Variants in ATXN7L1 observed in about 807,000 individuals in gnomAD.
ATXN7L1 encodes ataxin 7 like 1.
Under a neutral mutation model 70.8 loss-of-function variants are expected in ATXN7L1, and 15 were observed. That is an observed-to-expected ratio of 0.21 (90% confidence interval 0.14 to 0.33). ATXN7L1 has a LOEUF of 0.33. Ranked by LOEUF, ATXN7L1 falls within the 10% of genes least tolerant of loss-of-function variation. The pLI is 1.00. For synonymous variants in ATXN7L1, 440 were observed against 445.1 expected (o/e 0.99, Z 0.14); for missense variants, 975 against 1,097.1 (o/e 0.89, Z 1.57).
At chr7:105,645,000 A>G (rs1490881505) in intron 4 of ATXN7L1, among the ~76,000 whole-genome samples, 5 of 152,216 alleles carry the variant, frequency 3.3e-5, no homozygotes, top group African/African-American at 1.2e-4. Flanking sequence ...GTCACAAAAG[A>G]CAAATACTGT....
intron 7 of ATXN7L1, among the ~76,000 whole-genome samples, chr7:105,633,509 G>A (rs954045197): frequency 6.6e-6 from 1 of 152,068 alleles, no homozygotes; most frequent in South Asian, 2.1e-4. Flanking sequence ...CCTGAGGTCA[G>A]GAGTTTGAGA....
chr7:105,732,143 C>G (rs1300334024), intron 3 of ATXN7L1, among the ~76,000 whole-genome samples: 18 of 152,108 alleles, frequency 1.2e-4, no homozygotes, highest in Admixed American at 1.2e-3. Flanking sequence ...GGTGTGTTGG[C>G]TCACTCCTGT....
intron 3 of ATXN7L1, among the ~76,000 whole-genome samples, chr7:105,706,289 GT>G (rs1793154809): frequency 1.3e-5 from 2 of 151,698 alleles, no homozygotes; most frequent in East Asian, 3.9e-4. Context: ...TGCCTCCCGG[GT>G]TCAAGTGATT....
intron 11 of ATXN7L1, 114 bp downstream of exon 11, chr7:105,610,413 CAT>C (rs1281690934): frequency 9.7e-6 from 9 of 929,950 alleles, no homozygotes; most frequent in Non-Finnish European, 8.1e-6. Context: ...GCCAGGTAGC[CAT>C]GCTCTTAACT....
At chr7:105,855,681 C>T (rs781534028) in intron 2 of ATXN7L1, among the ~76,000 whole-genome samples, 3 of 152,134 alleles carry the variant, frequency 2.0e-5, no homozygotes, top group African/African-American at 4.8e-5. Flanking sequence ...CTGTGAGTTC[C>T]ACATCTGCAG....
chr7:105,863,953 A>G (rs1002075171), intron 2 of ATXN7L1, among the ~76,000 whole-genome samples: 3 of 152,208 alleles, frequency 2.0e-5, no homozygotes, highest in Admixed American at 1.3e-4. Flanking sequence ...AAAAAACTCC[A>G]AAAGGAAATA....
intron 2 of ATXN7L1, among the ~76,000 whole-genome samples, chr7:105,827,698 C>T (rs1448206650): frequency 6.6e-6 from 1 of 152,148 alleles, no homozygotes; most frequent in African/African-American, 2.4e-5. Context: ...CTAAGGATGA[C>T]TGTATCTTGT....
intron 7 of ATXN7L1, among the ~76,000 whole-genome samples, chr7:105,636,250 C>T (rs906807714): frequency 1.2e-4 from 18 of 152,114 alleles, no homozygotes; most frequent in African/African-American, 4.1e-4. Flanking sequence ...CAAAAATTAG[C>T]CAGGCATGGC....
intron 3 of ATXN7L1, among the ~76,000 whole-genome samples, chr7:105,712,452 G>C (rs1038141491): frequency 6.6e-6 from 1 of 152,108 alleles, no homozygotes; most frequent in Admixed American, 6.6e-5. Flanking sequence ...TTAAATACAA[G>C]TTCCAGTTTC....
At chr7:105,761,273 C>A in intron 3 of ATXN7L1, 2 of 1,572,200 alleles carry the variant, frequency 1.3e-6, no homozygotes, top group South Asian at 2.4e-5. Context: ...CTTGTCCACA[C>A]TTCAGGGCTC....
chr7:105,813,755 G>A (rs1808787840), intron 2 of ATXN7L1, among the ~76,000 whole-genome samples: 1 of 151,952 alleles, frequency 6.6e-6, no homozygotes, highest in Non-Finnish European at 1.5e-5. Flanking sequence ...CTGTTTTCTG[G>A]GAACTCTCCT....
intron 2 of ATXN7L1, among the ~76,000 whole-genome samples, chr7:105,871,889 G>A (rs1388834675): frequency 6.6e-6 from 1 of 152,180 alleles, no homozygotes; most frequent in Non-Finnish European, 1.5e-5. Flanking sequence ...GTTTAAAGGG[G>A]TGAGGAATGG....
chr7:105,672,938 C>T (rs868534470), intron 3 of ATXN7L1, among the ~76,000 whole-genome samples: 3 of 152,220 alleles, frequency 2.0e-5, no homozygotes, highest in Non-Finnish European at 4.4e-5. Flanking sequence ...TGCATTTCCA[C>T]CACAGGAAGT....
rs951535546 is a variant in ATXN7L1, at chr7:105,754,117, G to A, written c.355+34487C>T. On this transcript the variant is annotated intron_variant, in intron 3 of 11. Transcript: ENST00000419735. Reference sequence around the variant, plus strand: ...GACCCAAAACGTGCTGTGCAAGAGGGATAGACTGCGGTAAGAGCTCTGACG... The same window carrying A: ...GACCCAAAACGTGCTGTGCAAGAGGAATAGACTGCGGTAAGAGCTCTGACG... Among the ~76,000 whole-genome samples, 91 of 152,338 alleles carry A rather than the reference G, an allele frequency of 6.0e-4. 1 individual carries two copies. Among genetic ancestry groups the A allele is most frequent in the African/African-American group, 2.1e-3 (87 of 41,578 alleles).
At chr7:105,846,201 A>C (rs1350887468) in intron 2 of ATXN7L1, among the ~76,000 whole-genome samples, 1 of 152,176 alleles carries the variant, frequency 6.6e-6, no homozygotes, top group Non-Finnish European at 1.5e-5. Context: ...GAATTCTTAA[A>C]ACTTAAAGAG....
intron 3 of ATXN7L1, among the ~76,000 whole-genome samples, chr7:105,666,752 A>C (rs1584616780): frequency 6.6e-6 from 1 of 152,080 alleles, no homozygotes; most frequent in African/African-American, 2.4e-5. Context: ...ATCAGAGTAG[A>C]CCTTTGCATA....
chr7:105,740,769 A>AT lies in ATXN7L1; in HGVS notation c.355+47834dup, dbSNP rs1235457353. Among the ~76,000 whole-genome samples the AT allele has an allele frequency of 1.4e-3, 119 of 85,666 alleles. 5 individuals carry two copies. Among genetic ancestry groups the AT allele is most frequent in the Middle Eastern group, 0.011 (2 of 190 alleles). The allele number at this position is 85,666 out of a possible 152,430, so 56.2% of individuals were successfully genotyped here. A position where few individuals can be genotyped will look rare whatever the true frequency, so the allele number is the denominator to read the frequency against. On this transcript the variant is annotated intron_variant, in intron 3 of 11. Transcript: ENST00000419735. ...TGCTCAGTCAAAGGTGGCTCCATTC[A>AT]TTTTTTTTTTTTTTTAATGGAGTCT...
intron 10 of ATXN7L1, among the ~76,000 whole-genome samples, chr7:105,611,028 C>T (rs1793101044): frequency 6.6e-6 from 1 of 152,226 alleles, no homozygotes; most frequent in Admixed American, 6.5e-5. Flanking sequence ...GCCCAGACTC[C>T]CTCAGCCTGG....
chr7:105,801,487 C>G (rs1266631189), intron 2 of ATXN7L1, among the ~76,000 whole-genome samples: 1 of 152,190 alleles, frequency 6.6e-6, no homozygotes, highest in Non-Finnish European at 1.5e-5. Flanking sequence ...AATCATTGTC[C>G]TATCATGATC....
Sources: gnomAD v4.1 joint callset for allele counts (sites outside exome capture counted in the v4.1 genomes callset) on GRCh38, gnomAD v4.1.1 for gene constraint, MANE v1.5 for transcripts, NCBI Gene and HGNC (gene_info 2026-07-23, HGNC 2026-07-21) for gene names.